The following DYM variants were observed in gnomAD, a reference collection of about 807,000 sequenced individuals.
DYM encodes the protein dymeclin.
A neutral mutation model predicts 93.1 loss-of-function variants in DYM; 78 were observed. That is an observed-to-expected ratio of 0.84 (90% CI 0.70 to 1.01). The LOEUF (loss-of-function observed/expected upper bound fraction) is 1.01. Ranked by LOEUF, DYM falls within the 50% of genes least tolerant of loss-of-function variation. The pLI, the probability that DYM is intolerant of heterozygous loss-of-function variation, is 0.00. For missense variants in DYM, 789 were observed against 845.0 expected (o/e 0.93, Z 0.82); for synonymous variants, 321 against 319.7 (o/e 1.00, Z -0.04).
At chr18:49,295,668 A>G (rs2060487054) in intron 8 of DYM, among the ~76,000 whole-genome samples, 1 of 152,278 alleles carries the variant, frequency 6.6e-6, no homozygotes, top group East Asian at 1.9e-4. Flanking sequence ...TCTTGTTTAA[A>G]CTACTGGTGT....
chr18:49,400,648 GT>G lies in DYM; in HGVS notation c.141-9004del, dbSNP rs2070707465. On this transcript the variant is annotated intron_variant, in intron 2 of 17. Transcript: ENST00000675505. ...GCAATTTCTGCACTCTGAAGTGTTA[GT>G]TATTTCTACAGAAGAAATCAGCCAG... Among the ~76,000 whole-genome samples, 3 of 152,170 alleles carry G rather than the reference GT, an allele frequency of 2.0e-5. No individual in the cohort carries two copies. In the South Asian group the frequency reaches 6.2e-4, roughly 32 times the overall value.
At chr18:49,359,301 C>A (rs764434390) in intron 6 of DYM, among the ~76,000 whole-genome samples, 27 of 152,084 alleles carry the variant, frequency 1.8e-4, no homozygotes, top group Non-Finnish European at 2.6e-4. Context: ...CAAGCCCGTG[C>A]ATAACTTAAT....
intron 7 of DYM, 141 bp from the exon 8 acceptor site, chr18:49,332,147 T>C: frequency 1.2e-6 from 1 of 863,042 alleles, no homozygotes. Context: ...AATTGAGCAC[T>C]GCACACAACA....
chr18:49,225,077 AT>A (rs1240059907), intron 13 of DYM, among the ~76,000 whole-genome samples: 1 of 152,178 alleles, frequency 6.6e-6, no homozygotes, highest in African/African-American at 2.4e-5. Context: ...AACATTAAAA[AT>A]ACCATTGATT....
In DYM at chr18:49,440,498, T is replaced by C. The variant is rs1259844126; in HGVS notation, c.-53-10051A>G. Among the ~76,000 whole-genome samples the C allele has an allele frequency of 1.4e-4, 11 of 76,054 alleles. 1 individual carries two copies. The East Asian group carries it at 5.8e-3, about 40-fold the overall frequency. 49.9% of individuals were successfully genotyped at this position (76,054 alleles called of 152,430 possible). ...CTATATATTATATATTTATATAATA[T>C]ATGACTATATATTATATATTTATAT... On this transcript the variant is annotated intron_variant, in intron 1 of 17. Transcript: ENST00000675505.
chr18:49,454,181 A>C (rs897761479), intron 1 of DYM, among the ~76,000 whole-genome samples: 60 of 152,234 alleles, frequency 3.9e-4, no homozygotes, highest in African/African-American at 1.3e-3. Context: ...GTCATCACCC[A>C]ACACCCCCTA....
chr18:49,151,223 C>G (rs181813705), intron 15 of DYM, among the ~76,000 whole-genome samples: 3 of 152,278 alleles, frequency 2.0e-5, no homozygotes. Flanking sequence ...AAGTCTGATG[C>G]TTTTCATGTT....
At chr18:49,051,884 G>A (rs2072489025) in intron 17 of DYM, among the ~76,000 whole-genome samples, 1 of 152,218 alleles carries the variant, frequency 6.6e-6, no homozygotes, top group African/African-American at 2.4e-5. Flanking sequence ...GGTAGAGAGA[G>A]CAGCGTGAAC....
chr18:49,258,327 C>T (rs558616530), intron 12 of DYM, 53 bp downstream of exon 12: 20 of 1,271,652 alleles, frequency 1.6e-5, no homozygotes, highest in Admixed American at 1.2e-4. Flanking sequence ...TTTAAACTAT[C>T]GTCTTAATTG....
At chr18:49,396,001 A>G (rs1403230308) in intron 2 of DYM, among the ~76,000 whole-genome samples, 1 of 152,014 alleles carries the variant, frequency 6.6e-6, no homozygotes, top group Non-Finnish European at 1.5e-5. Flanking sequence ...TCCCATTAGT[A>G]CTGGTTGTGA....
intron 17 of DYM, among the ~76,000 whole-genome samples, chr18:49,053,021 C>T (rs2075157042): frequency 6.6e-6 from 1 of 152,230 alleles, no homozygotes; most frequent in Non-Finnish European, 1.5e-5. Context: ...ATCCCTCAAG[C>T]TTGTAGCTTG....
intron 17 of DYM, among the ~76,000 whole-genome samples, chr18:49,053,977 T>G (rs1015657721): frequency 6.6e-6 from 1 of 152,126 alleles, no homozygotes; most frequent in African/African-American, 2.4e-5. Flanking sequence ...GACGATGCTC[T>G]CCCAGGTAGT....
chr18:49,061,908 C>A (rs1000067756), intron 17 of DYM, among the ~76,000 whole-genome samples: 34 of 152,202 alleles, frequency 2.2e-4, no homozygotes, highest in Non-Finnish European at 5.0e-4. Context: ...AAAGAGCACA[C>A]AAATAAAATT....
At chr18:49,187,935 A>G (rs979160340) in intron 14 of DYM, among the ~76,000 whole-genome samples, 1 of 152,230 alleles carries the variant, frequency 6.6e-6, no homozygotes, top group Non-Finnish European at 1.5e-5. Context: ...AAACTTCCAC[A>G]CGTTATAAAT....
intron 15 of DYM, among the ~76,000 whole-genome samples, chr18:49,136,408 T>C (rs2083854932): frequency 6.6e-6 from 1 of 152,200 alleles, no homozygotes; most frequent in Non-Finnish European, 1.5e-5. Context: ...AACTTTTCAT[T>C]TGTTGTAACC....
At chr18:49,153,319 C>T (rs1165875816) in intron 15 of DYM, among the ~76,000 whole-genome samples, 1 of 151,944 alleles carries the variant, frequency 6.6e-6, no homozygotes, top group Non-Finnish European at 1.5e-5. Flanking sequence ...CAATGTGGGG[C>T]TTGGAATCTA....
At chr18:49,194,398 T>A (rs2091250588) in intron 14 of DYM, among the ~76,000 whole-genome samples, 1 of 152,202 alleles carries the variant, frequency 6.6e-6, no homozygotes, top group Non-Finnish European at 1.5e-5. Context: ...CAACGCAATC[T>A]ACACCTAGGA....
intron 14 of DYM, among the ~76,000 whole-genome samples, chr18:49,184,778 T>A (rs995982877): frequency 6.6e-6 from 1 of 152,174 alleles, no homozygotes; most frequent in Non-Finnish European, 1.5e-5. Flanking sequence ...TTCTGAAACT[T>A]TCCATTTAAT....
chr18:49,451,438 G>A (rs1474387254), intron 1 of DYM, among the ~76,000 whole-genome samples: 1 of 152,184 alleles, frequency 6.6e-6, no homozygotes, highest in African/African-American at 2.4e-5. Flanking sequence ...TGTCTACACA[G>A]TCCCCGCACA....
Sources: gnomAD v4.1 joint callset for allele counts (sites outside exome capture counted in the v4.1 genomes callset) on GRCh38, gnomAD v4.1.1 for gene constraint, MANE v1.5 for transcripts, NCBI Gene and HGNC (gene_info 2026-07-23, HGNC 2026-07-21) for gene names.